The following CDH10 variants were observed in gnomAD, a reference collection of about 807,000 sequenced individuals.
CDH10 encodes the protein cadherin 10, also known as cadherin-10.
Under a neutral mutation model 73.1 loss-of-function variants are expected in CDH10, and 30 were observed. The ratio of observed to expected loss-of-function variants is 0.41; its 90% confidence interval spans 0.31 to 0.56. The LOEUF is 0.56. CDH10 is among the 20% of genes least tolerant of loss of function. The pLI is 0.27. For missense variants in CDH10, 815 were observed against 973.7 expected, an observed-to-expected ratio of 0.84 and a Z score of 2.17; for synonymous variants, 345 against 348.2, an observed-to-expected ratio of 0.99 and a Z score of 0.10.
chr5:24,595,003 T>C (rs554585275), intron 1 of CDH10, among the ~76,000 whole-genome samples: 25 of 152,092 alleles, frequency 1.6e-4, no homozygotes, highest in South Asian at 4.1e-4. Flanking sequence ...ACCTGCTATA[T>C]GTTTTTGTGC....
In CDH10 at chr5:24,548,480, CTTTTTTTT is replaced by C. The variant is rs70965609; in HGVS notation, c.232-10814_232-10807del. Among the ~76,000 whole-genome samples, 16 of 108,706 alleles carry C rather than the reference CTTTTTTTT, an allele frequency of 1.5e-4. No individual in the cohort carries two copies. In the East Asian group the frequency reaches 3.9e-3, roughly 27 times the overall value. 71.3% of individuals were successfully genotyped at this position (108,706 alleles called of 152,430 possible). On this transcript the variant is annotated intron_variant, in intron 2 of 11. Coordinates refer to ENST00000264463, the MANE Select transcript of CDH10 (RefSeq NM_006727.5). Reference sequence around the variant, plus strand: ...TTGAGATAGAATTCCCAGTCCTCCTCTTTTTTTTTTTTTTTTTTTTGGAAACCTCAATC... The same window carrying C: ...TTGAGATAGAATTCCCAGTCCTCCTCTTTTTTTTTTTTGGAAACCTCAATC...
chr5:24,551,393 ATCT>A (rs1348905506), intron 2 of CDH10, among the ~76,000 whole-genome samples: 8 of 152,292 alleles, frequency 5.3e-5, no homozygotes, highest in African/African-American at 1.9e-4. Context: ...TACTACAAAT[ATCT>A]TCTTCAAGTT....
At chr5:24,570,833 T>C (rs1745351640) in intron 2 of CDH10, among the ~76,000 whole-genome samples, 1 of 151,984 alleles carries the variant, frequency 6.6e-6, no homozygotes, top group South Asian at 2.1e-4. Context: ...AGAAATAAGC[T>C]CGTTTTGAGA....
intron 4 of CDH10, 47 bp from the exon 5 acceptor site, chr5:24,535,326 A>C: frequency 1.3e-5 from 20 of 1,520,518 alleles, no homozygotes; most frequent in Non-Finnish European, 1.6e-5. Flanking sequence ...TGAAATCTCC[A>C]TTGTTATTTT....
chr5:24,562,076 A>T (rs1304602617), intron 2 of CDH10, among the ~76,000 whole-genome samples: 6 of 152,152 alleles, frequency 3.9e-5, no homozygotes, highest in Non-Finnish European at 1.5e-5. Flanking sequence ...AGATGCAATA[A>T]TATAGATGTA....
chr5:24,517,869 C>T (rs762905953), intron 5 of CDH10, among the ~76,000 whole-genome samples: 3 of 152,044 alleles, frequency 2.0e-5, no homozygotes, highest in Non-Finnish European at 4.4e-5. Flanking sequence ...TTACTGAAGC[C>T]GCAGATAGAC....
At chr5:24,543,802 G>C (rs1003672778) in intron 2 of CDH10, among the ~76,000 whole-genome samples, 1 of 152,092 alleles carries the variant, frequency 6.6e-6, no homozygotes, top group Non-Finnish European at 1.5e-5. Context: ...TAAATAAATA[G>C]TTATTCATGT....
At chr5:24,508,607 C>T (rs1342462167) in intron 7 of CDH10, among the ~76,000 whole-genome samples, 1 of 148,316 alleles carries the variant, frequency 6.7e-6, no homozygotes, top group East Asian at 1.9e-4. Context: ...CAACCTTGAC[C>T]TCCTGGGCTC....
intron 5 of CDH10, among the ~76,000 whole-genome samples, chr5:24,528,607 G>A (rs1034886894): frequency 1.3e-5 from 2 of 151,934 alleles, no homozygotes; most frequent in African/African-American, 4.8e-5. Flanking sequence ...CAGAAAAGAG[G>A]TCAGTCGTGT....
At chr5:24,518,574 A>G (rs1115578) in intron 5 of CDH10, among the ~76,000 whole-genome samples, 2 of 151,512 alleles carry the variant, frequency 1.3e-5, no homozygotes, top group African/African-American at 4.9e-5. Context: ...CCTTATTCAC[A>G]GTCTTTAGTA....
At chr5:24,572,475 T>G (rs1044646866) in intron 2 of CDH10, among the ~76,000 whole-genome samples, 1 of 151,892 alleles carries the variant, frequency 6.6e-6, no homozygotes, top group Admixed American at 6.6e-5. Flanking sequence ...GACCTGAGGA[T>G]CTTAAAAAAG....
chr5:24,578,219 A>C, intron 2 of CDH10: 1 of 174,246 alleles, frequency 5.7e-6, no homozygotes, highest in Non-Finnish European at 1.3e-5. Context: ...AATGGTTTTC[A>C]CAAGCTTTAT....
intron 2 of CDH10, among the ~76,000 whole-genome samples, chr5:24,587,359 G>A (rs948863606): frequency 2.6e-5 from 4 of 152,132 alleles, no homozygotes; most frequent in Non-Finnish European, 4.4e-5. Flanking sequence ...TTATAGAAAA[G>A]AGCATTATTC....
rs1196404781 is a variant in CDH10 at position 24,644,969 on chromosome 5, A to C, written c.-499T>G. On this transcript the variant is annotated 5_prime_UTR_variant, in exon 1 of 12. Transcript: ENST00000264463. Reference sequence around the variant, plus strand: ...TGCTGGCTTCTGCGAGCACACAGCGATTTGCAAGTGAATGCGAGGGGAGGG... The same window carrying C: ...TGCTGGCTTCTGCGAGCACACAGCGCTTTGCAAGTGAATGCGAGGGGAGGG... 4 of 152,026 alleles carry C rather than the reference A, an allele frequency of 2.6e-5. No individual in the cohort carries two copies. Among genetic ancestry groups the C allele is most frequent in the Non-Finnish European group, 5.9e-5 (4 of 68,026 alleles). The allele number at this position is 152,026 out of a possible 1,614,324, so 9.4% of individuals were successfully genotyped here.
intron 1 of CDH10, among the ~76,000 whole-genome samples, chr5:24,608,605 T>C (rs1205121202): frequency 1.3e-5 from 2 of 152,172 alleles, no homozygotes; most frequent in South Asian, 4.1e-4. Context: ...TTCTGAATGT[T>C]TTAACAAAAG....
chr5:24,593,299 A>C lies in CDH10; in HGVS notation c.192T>G (p.Leu64=), dbSNP rs1307775861. 6.2e-7 allele frequency: 1 copy of C among 1,611,524 alleles called. No individual in the cohort carries two copies. Among genetic ancestry groups the C allele is most frequent in the East Asian group, 2.2e-5 (1 of 44,824 alleles). The part of the protein sequence containing the change: ...RGWMWNQFFL[L]EEYTGSDYQY... ...GATAATCAGATCCTGTATATTCTTC[A>C]AGTAAGAAAAATTGATTCCACATCC... The change falls in exon 2 of 12, where the codon CTT becomes CTG. Residue 64 remains leucine (L), a synonymous_variant. Transcript: ENST00000264463.
At chr5:24,499,213 T>G (rs1228385261) in intron 8 of CDH10, 1 of 152,606 alleles carries the variant, frequency 6.6e-6, no homozygotes, top group South Asian at 2.1e-4. Context: ...TGATGAAATA[T>G]GAAGATTCAC....
rs535011840 is a variant in CDH10 at position 24,489,926 on chromosome 5, C to T, written c.1876+1650G>A. 3.4e-3 allele frequency among the ~76,000 whole-genome samples: 523 copies of T among 152,144 alleles called. 1 individual carries two copies. The highest frequency in any genetic ancestry group is 0.012 in the African/African-American group (486 of 41,512). ...TATACACTGACTAATAGCAAGGTAC[C>T]TTAGCTCAACCACTCAGAAATTGTG... On this transcript the variant is annotated intron_variant, in intron 11 of 11. Coordinates refer to ENST00000264463, the MANE Select transcript of CDH10 (RefSeq NM_006727.5).
At chr5:24,562,890 C>T (rs1488734830) in intron 2 of CDH10, among the ~76,000 whole-genome samples, 1 of 152,048 alleles carries the variant, frequency 6.6e-6, no homozygotes, top group Non-Finnish European at 1.5e-5. Context: ...TTATTTTTTC[C>T]TCAACCATTT....
Sources: gnomAD v4.1 joint callset for allele counts (sites outside exome capture counted in the v4.1 genomes callset) on GRCh38, gnomAD v4.1.1 for gene constraint, MANE v1.5 for transcripts, NCBI Gene and HGNC (gene_info 2026-07-23, HGNC 2026-07-21) for gene names.